SP100: variants seen among roughly 807,000 people sequenced by gnomAD.
SP100 encodes nuclear autoantigen Sp-100.
Under a neutral mutation model 130.0 loss-of-function variants are expected in SP100, and 84 were observed. The observed-to-expected ratio is 0.65, with a 90% CI of 0.54 to 0.77. The LOEUF (loss-of-function observed/expected upper bound fraction) is 0.77, where lower values mean the gene tolerates loss of function less well. Among genes scored for constraint, SP100 ranks in the 30% least tolerant of loss-of-function variants. SP100 has a pLI of 0.00. For synonymous variants in SP100, 331 were observed against 351.7 expected (o/e 0.94, Z 0.66); for missense variants, 978 against 1,052.2 (o/e 0.93, Z 0.97).
intron 8 of SP100, among the ~76,000 whole-genome samples, chr2:230,452,970 A>T (rs2064085022): frequency 6.6e-6 from 1 of 152,090 alleles, no homozygotes; most frequent in Non-Finnish European, 1.5e-5. Flanking sequence ...TAGGACTTGC[A>T]GTAACATGTT....
At chr2:230,426,283 T>G (rs2062929921) in intron 2 of SP100, among the ~76,000 whole-genome samples, 1 of 152,190 alleles carries the variant, frequency 6.6e-6, no homozygotes, top group Non-Finnish European at 1.5e-5. Flanking sequence ...TCCCTTCTGC[T>G]GCTAACTTTG....
chr2:230,441,111 T>C (rs1370365830), intron 2 of SP100, among the ~76,000 whole-genome samples: 4 of 152,112 alleles, frequency 2.6e-5, no homozygotes, highest in Non-Finnish European at 5.9e-5. Flanking sequence ...ATTTAAAAAA[T>C]GCCTACCCAT....
At chr2:230,501,222 A>T (rs1176203481) in intron 19 of SP100, among the ~76,000 whole-genome samples, 1 of 152,202 alleles carries the variant, frequency 6.6e-6, no homozygotes, top group Non-Finnish European at 1.5e-5. Flanking sequence ...CAGCCTGAGC[A>T]ACAGAGCAAG....
chr2:230,496,605 T>G (rs917405150), intron 18 of SP100, among the ~76,000 whole-genome samples: 4 of 152,180 alleles, frequency 2.6e-5, no homozygotes, highest in Admixed American at 2.6e-4. Context: ...GCACCAACCT[T>G]ATAGATTTTG....
At position 230,461,316 on chromosome 2, in the gene SP100, G is replaced by C. The variant is rs116484154; in HGVS notation, c.875G>C (p.Arg292Pro). The change falls in exon 9 of 29, where the codon CGA (arginine) becomes CCA (proline). Residue 292 changes from arginine (R) to proline (P), a missense_variant. Arg to Pro is a moderately radical substitution (Grantham distance 103). Coordinates refer to ENST00000340126, the MANE Select transcript of SP100 (RefSeq NM_001080391.2). The part of the protein sequence containing the change: ...HGIQINSCSV[R>P]LVDIKKEKPF... ...ATCCAAATTAATTCCTGTTCTGTGC[G>C]ACTGGTGGATATAAAAAAGGAAAAG... The C allele has an allele frequency of 6.2e-7, 1 of 1,614,058 alleles. No homozygotes were observed. Among genetic ancestry groups the C allele is most frequent in the Non-Finnish European group, 8.5e-7 (1 of 1,179,948 alleles).
chr2:230,444,152 A>G (rs2063586817), intron 3 of SP100, 26 bp from the exon 4 acceptor site: 1 of 1,500,742 alleles, frequency 6.7e-7, no homozygotes, highest in Non-Finnish European at 9.0e-7. Flanking sequence ...CTTTATTTAT[A>G]TTTTCTCCAT....
intron 21 of SP100, 48 bp downstream of exon 21, chr2:230,504,338 C>A: frequency 9.1e-7 from 1 of 1,098,318 alleles, no homozygotes; most frequent in Non-Finnish European, 1.4e-6. Flanking sequence ...AATATCCACA[C>A]AGATAGCATA....
At position 230,511,255 on chromosome 2, in the gene SP100, C is replaced by A. The variant is rs1690566510; in HGVS notation, c.2094+89C>A. 9.8e-6 allele frequency: 9 copies of A among 916,418 alleles called. No homozygotes were observed. In the Admixed American group the frequency reaches 1.5e-4, roughly 16 times the overall value. 56.8% of individuals were successfully genotyped at this position (916,418 alleles called of 1,614,324 possible). The stretch of plus-strand genomic sequence containing the variant: ...CATGACTGCCTTTCCCCGAAGCATG[C>A]TCAGTCTCAGTTGGAGTATGTTGCT... On this transcript the variant is annotated intron_variant, in intron 24 of 28. Coordinates refer to ENST00000340126, the MANE Select transcript of SP100 (RefSeq NM_001080391.2).
At chr2:230,472,427 C>CAAAAAAAAAAAAAAAA (rs201703163) in intron 15 of SP100, among the ~76,000 whole-genome samples, 2 of 61,314 alleles carry the variant, frequency 3.3e-5, no homozygotes, top group African/African-American at 8.4e-5. Flanking sequence ...GACTCCGTCT[C>CAAAAAAAAAAAAAAAA]AAAAAAAAAA....
intron 2 of SP100, among the ~76,000 whole-genome samples, chr2:230,428,909 A>T (rs11689240): frequency 6.6e-6 from 1 of 152,036 alleles, no homozygotes. Context: ...AGCCAACTAT[A>T]TTAATTGCTA....
At chr2:230,527,607 C>A (rs935050725) in intron 24 of SP100, among the ~76,000 whole-genome samples, 1 of 152,090 alleles carries the variant, frequency 6.6e-6, no homozygotes, top group Admixed American at 6.6e-5. Flanking sequence ...GGCTAAATGA[C>A]CCAATTAAAA....
chr2:230,521,839 G>T (rs537820042), intron 24 of SP100, among the ~76,000 whole-genome samples: 34 of 152,282 alleles, frequency 2.2e-4, no homozygotes, highest in African/African-American at 8.2e-4. Flanking sequence ...ATTCCTGATT[G>T]CCTAGGAAGA....
At chr2:230,498,874 C>T (rs995068808) in intron 19 of SP100, among the ~76,000 whole-genome samples, 1 of 152,212 alleles carries the variant, frequency 6.6e-6, no homozygotes, top group Non-Finnish European at 1.5e-5. Context: ...AGCTGTCCCT[C>T]CTCTTGCCCA....
intron 17 of SP100, among the ~76,000 whole-genome samples, chr2:230,482,801 A>G (rs189570674): frequency 2.0e-3 from 304 of 152,266 alleles, no homozygotes; most frequent in Admixed American, 4.4e-3. Context: ...CTAAAATTTT[A>G]TAACGTATTA....
At position 230,444,261 on chromosome 2, in the gene SP100, C is replaced by T. The variant is rs754582599; in HGVS notation, c.354C>T (p.Asn118=). The part of the protein sequence containing the change: ...NVLSELEKTF[N]LPVLEALFSD... ...TTAGTGAACTGGAGAAGACATTTAA[C>T]CTGCCAGTTCTGGAAGCACTGTTCA... The change falls in exon 4 of 29, where the codon AAC becomes AAT. Residue 118 remains asparagine (N), a synonymous_variant. Coordinates refer to ENST00000340126, the MANE Select transcript of SP100 (RefSeq NM_001080391.2). 3 of 1,613,140 alleles carry T rather than the reference C, an allele frequency of 1.9e-6. No homozygotes were observed. Among genetic ancestry groups the T allele is most frequent in the East Asian group, 2.2e-5 (1 of 44,866 alleles).
intron 24 of SP100, among the ~76,000 whole-genome samples, chr2:230,522,350 G>T (rs1474187267): frequency 6.6e-6 from 1 of 152,064 alleles, no homozygotes; most frequent in Non-Finnish European, 1.5e-5. Flanking sequence ...GGAATCTGGA[G>T]TTTGTTGTTA....
At chr2:230,455,451 C>T (rs73095042) in intron 8 of SP100, among the ~76,000 whole-genome samples, 2,300 of 152,274 alleles carry the variant, frequency 0.015, 61 homozygotes, top group African/African-American at 0.052. Context: ...TTCTTTCTTT[C>T]ATTTCCATTT....
intron 24 of SP100, among the ~76,000 whole-genome samples, chr2:230,529,719 A>G (rs1277771311): frequency 6.6e-6 from 1 of 152,218 alleles, no homozygotes; most frequent in Non-Finnish European, 1.5e-5. Context: ...CTGATAAGCA[A>G]ATTTAGCAAA....
At chr2:230,504,114 C>A in intron 20 of SP100, 72 bp from the exon 21 acceptor site, 1 of 769,018 alleles carries the variant, frequency 1.3e-6, no homozygotes, top group Non-Finnish European at 2.2e-6. Context: ...AGAAAGCTCT[C>A]AAGACAGGTG....
Sources: gnomAD v4.1 joint callset for allele counts (sites outside exome capture counted in the v4.1 genomes callset) on GRCh38, gnomAD v4.1.1 for gene constraint, MANE v1.5 for transcripts, NCBI Gene and HGNC (gene_info 2026-07-23, HGNC 2026-07-21) for gene names.